The following DYM variants were observed in gnomAD, a reference collection of about 807,000 sequenced individuals.
DYM encodes the protein dyggve-Melchior-Clausen syndrome protein.
In DYM, 78 loss-of-function variants were observed where a neutral mutation model predicts 93.1. That is an observed-to-expected ratio of 0.84 (90% CI 0.70 to 1.01). The LOEUF (loss-of-function observed/expected upper bound fraction) is 1.01, where lower values mean the gene tolerates loss of function less well. DYM is among the 50% of genes least tolerant of loss of function. The pLI, the probability that DYM is intolerant of heterozygous loss-of-function variation, is 0.00. For missense variants in DYM, 789 were observed against 845.0 expected (o/e 0.93, Z 0.82); for synonymous variants, 321 against 319.7 (o/e 1.00, Z -0.04).
At chr18:49,092,921 C>T (rs1026608361) in intron 17 of DYM, among the ~76,000 whole-genome samples, 10 of 152,184 alleles carry the variant, frequency 6.6e-5, no homozygotes, top group African/African-American at 2.2e-4. Context: ...TCACTCCTCA[C>T]TGGGAGTCCC....
chr18:49,434,846 T>TCAA (rs766635024), intron 1 of DYM, among the ~76,000 whole-genome samples: 1 of 151,588 alleles, frequency 6.6e-6, no homozygotes, highest in Non-Finnish European at 1.5e-5. Context: ...CATGGAGATT[T>TCAA]CAACAACAAC....
At chr18:49,455,465 A>T (rs2082902926) in intron 1 of DYM, among the ~76,000 whole-genome samples, 1 of 152,236 alleles carries the variant, frequency 6.6e-6, no homozygotes. Flanking sequence ...ATATATTGCT[A>T]GGTACATAGA....
Position 49,371,121 on chromosome 18 carries a change from G to T in DYM, c.421+7446C>A, listed in dbSNP as rs899648854. Reference sequence around the variant, plus strand: ...CCACATTAAGTCAAGAATTGCTGCAGGATGCTAACATGGCATCAGGTGTTA... The same window carrying T: ...CCACATTAAGTCAAGAATTGCTGCATGATGCTAACATGGCATCAGGTGTTA... On this transcript the variant is annotated intron_variant, in intron 5 of 17. Transcript: ENST00000675505. Among the ~76,000 whole-genome samples, 3 of 152,162 alleles carry T rather than the reference G, an allele frequency of 2.0e-5. No homozygotes were observed. In the East Asian group the frequency reaches 5.8e-4, roughly 29 times the overall value.
rs754347021 is a variant in DYM, at chr18:49,363,273, C to T, written c.422-40G>A. ...AAAAAGATTTTTTTTTAACAAAGTA[C>T]ACAGTAGAATACAGTTGTTCAGAAG... On this transcript the variant is annotated intron_variant, in intron 5 of 17. Transcript: ENST00000675505. 30 of 1,401,712 alleles carry T rather than the reference C, an allele frequency of 2.1e-5. No individual in the cohort carries two copies. The East Asian group carries it at 6.4e-4, about 30-fold the overall frequency. The allele number at this position is 1,401,712 out of a possible 1,614,324, so 86.8% of individuals were successfully genotyped here. A position where few individuals can be genotyped will look rare whatever the true frequency, so the allele number is the denominator to read the frequency against.
chr18:49,067,290 G>GTGT (rs2076506610), intron 17 of DYM, among the ~76,000 whole-genome samples: 7 of 109,968 alleles, frequency 6.4e-5, no homozygotes, highest in African/African-American at 1.1e-4. Flanking sequence ...GGTGATGTGA[G>GTGT]CACTATGGAG....
chr18:49,272,163 G>GT lies in DYM; in HGVS notation c.1251+14dup. On this transcript the variant is annotated intron_variant, in intron 11 of 17. Coordinates refer to ENST00000675505, the MANE Select transcript of DYM (RefSeq NM_001353214.3). ...TCTGTTAACTCTAACTCTAATCCAA[G>GT]TAATGGTAACTTACCACTTCATGAA... is the stretch of plus-strand genomic sequence containing the variant. 1 of 1,610,890 alleles carries GT rather than the reference G, an allele frequency of 6.2e-7. No homozygotes were observed. The highest frequency in any genetic ancestry group is 1.7e-5 in the Admixed American group (1 of 59,958).
intron 16 of DYM, among the ~76,000 whole-genome samples, chr18:49,116,891 A>C (rs1459241403): frequency 2.6e-5 from 4 of 152,240 alleles, no homozygotes; most frequent in Non-Finnish European, 5.9e-5. Context: ...GACACTTCTC[A>C]ATTTTAAAGA....
In DYM at chr18:49,268,736, A is replaced by T. The variant is rs548152879; in HGVS notation, c.1251+3442T>A. Among the ~76,000 whole-genome samples, 66 of 150,770 alleles carry T rather than the reference A, an allele frequency of 4.4e-4. 4 individuals carry two copies. In the South Asian group the frequency reaches 0.013, roughly 30 times the overall value. ...TGTAATTTTCATTAGTTTTCCTTTAAAATTTGTGTGTTTTATATGCATGTT... is the reference window on the plus strand; with the variant it reads ...TGTAATTTTCATTAGTTTTCCTTTATAATTTGTGTGTTTTATATGCATGTT... On this transcript the variant is annotated intron_variant, in intron 11 of 17. Coordinates refer to ENST00000675505, the MANE Select transcript of DYM (RefSeq NM_001353214.3).
At chr18:49,324,300 T>A (rs1174367849) in intron 8 of DYM, among the ~76,000 whole-genome samples, 2 of 152,176 alleles carry the variant, frequency 1.3e-5, no homozygotes, top group Non-Finnish European at 2.9e-5. Flanking sequence ...GAAATATTTA[T>A]TGTAATTCCA....
chr18:49,062,092 T>C (rs2076026682), intron 17 of DYM, among the ~76,000 whole-genome samples: 2 of 152,310 alleles, frequency 1.3e-5, no homozygotes, highest in African/African-American at 4.8e-5. Flanking sequence ...GATAGCCTCA[T>C]AGCCCAGATT....
At chr18:49,092,884 T>C (rs1030539451) in intron 17 of DYM, among the ~76,000 whole-genome samples, 1 of 152,086 alleles carries the variant, frequency 6.6e-6, no homozygotes, top group African/African-American at 2.4e-5. Context: ...GAGAGGTCCT[T>C]GGGACAGCAA....
rs1331790660 is a variant in DYM, at chr18:49,108,611, C to G, written c.1911+10133G>C. Among the ~76,000 whole-genome samples the G allele has an allele frequency of 2.6e-4, 40 of 152,198 alleles. 1 individual carries two copies. The highest frequency in any genetic ancestry group is 2.6e-3 in the Admixed American group (40 of 15,278). On this transcript the variant is annotated intron_variant, in intron 16 of 17. Coordinates refer to ENST00000675505, the MANE Select transcript of DYM (RefSeq NM_001353214.3). ...GGTCAAAGAATATACTCTAGGTGATCTCATCTCATTTAAATTTGCTGAGGT... is the reference window on the plus strand; with the variant it reads ...GGTCAAAGAATATACTCTAGGTGATGTCATCTCATTTAAATTTGCTGAGGT...
intron 11 of DYM, among the ~76,000 whole-genome samples, chr18:49,263,103 G>A (rs2094515171): frequency 6.6e-6 from 1 of 151,732 alleles, no homozygotes; most frequent in Admixed American, 6.6e-5. Context: ...AAGCAGAATT[G>A]CCAAATCATT....
intron 9 of DYM, among the ~76,000 whole-genome samples, chr18:49,284,353 G>A (rs919911832): frequency 6.6e-6 from 1 of 152,178 alleles, no homozygotes; most frequent in South Asian, 2.1e-4. Context: ...ACTTTGCCAA[G>A]ATCAGCCCTG....
At chr18:49,265,778 CAAAAAAA>C (rs202068472) in intron 11 of DYM, among the ~76,000 whole-genome samples, 9 of 53,134 alleles carry the variant, frequency 1.7e-4, no homozygotes, top group African/African-American at 7.4e-4. Context: ...AACTCCATCT[CAAAAAAA>C]AAAAAAAAAA....
chr18:49,250,613 A>G (rs2094264530), intron 13 of DYM, among the ~76,000 whole-genome samples: 1 of 152,204 alleles, frequency 6.6e-6, no homozygotes, highest in Non-Finnish European at 1.5e-5. Context: ...GCTTGGTCCA[A>G]ACAAAAGGCC....
At chr18:49,227,232 C>T (rs2093564336) in intron 13 of DYM, among the ~76,000 whole-genome samples, 1 of 152,084 alleles carries the variant, frequency 6.6e-6, no homozygotes, top group Admixed American at 6.6e-5. Context: ...AAAATTCTTC[C>T]TAAAAAACTG....
chr18:49,053,495 C>T lies in DYM; in HGVS notation c.2026-9291G>A, dbSNP rs893943841. Among the ~76,000 whole-genome samples the T allele has an allele frequency of 2.0e-5, 3 of 152,236 alleles. No individual in the cohort carries two copies. The East Asian group carries it at 5.8e-4, about 29-fold the overall frequency. ...AAAAAAATTCAAGACCATATTAAGC[C>T]TCTGAATAGACAAGGAAATGGGAGA... On this transcript the variant is annotated intron_variant, in intron 17 of 17. Transcript: ENST00000675505.
rs1205640153 is a variant in DYM at position 49,039,346 on chromosome 18, G to T, written c.*4709C>A. Among the ~76,000 whole-genome samples the T allele has an allele frequency of 6.6e-6, 1 of 151,356 alleles. No homozygotes were observed. The highest frequency in any genetic ancestry group is 2.4e-5 in the African/African-American group (1 of 41,172). On this transcript the variant is annotated 3_prime_UTR_variant, in exon 18 of 18. Transcript: ENST00000675505. ...CAGGTCTAAAATATTATTTTTCTTT[G>T]GTCTTCAACAGTTTTACTATGATGT...
Sources: gnomAD v4.1 joint callset for allele counts (sites outside exome capture counted in the v4.1 genomes callset) on GRCh38, gnomAD v4.1.1 for gene constraint, MANE v1.5 for transcripts, NCBI Gene and HGNC (gene_info 2026-07-23, HGNC 2026-07-21) for gene names.